Variants in PSMA7 observed in about 807,000 individuals in gnomAD.
PSMA7 encodes proteasome 20S subunit alpha 7.
In PSMA7, 5 loss-of-function variants were observed where a neutral mutation model predicts 31.3. The ratio of observed to expected loss-of-function variants is 0.16; its 90% CI spans 0.08 to 0.34. The LOEUF is 0.34. Ranked by LOEUF, PSMA7 falls within the 10% of genes least tolerant of loss-of-function variation. PSMA7 has a pLI of 1.00. For synonymous variants in PSMA7, 155 were observed against 121.9 expected (o/e 1.27, Z -1.79); for missense variants, 217 against 327.5 (o/e 0.66, Z 2.60).
chr20:62,140,896 ACTT>A lies in PSMA7; in HGVS notation c.142_144del (p.Lys48del). On this transcript the variant is annotated inframe_deletion, in exon 2 of 7. Coordinates refer to ENST00000370873, the MANE Select transcript of PSMA7 (RefSeq NM_002792.4). ...CTTTCATCCTGCAGTTTGGCCACTG[ACTT>A]CTTCTCCACACCAAGAACAACAATG... 6.2e-7 allele frequency: 1 copy of A among 1,614,172 alleles called. No homozygotes were observed. Among genetic ancestry groups the A allele is most frequent in the Non-Finnish European group, 8.5e-7 (1 of 1,180,016 alleles).
rs1420556704 is a variant in PSMA7, at chr20:62,139,431, T to G, written c.349-234A>C. ...GAACTCAGGTTACTGGAAATTACTT[T>G]GACAGGTAGACACACATTCTGCTTA... On this transcript the variant is annotated intron_variant, in intron 3 of 6. Transcript: ENST00000370873. The G allele has an allele frequency of 4.6e-6, 3 of 654,732 alleles. No homozygotes were observed. In the East Asian group the frequency reaches 8.2e-5, roughly 18 times the overall value. The allele number at this position is 654,732 out of a possible 1,614,324, so 40.6% of individuals were successfully genotyped here.
At chr20:62,140,487 T>C (rs776586271) in intron 2 of PSMA7, among the ~76,000 whole-genome samples, 1 of 152,204 alleles carries the variant, frequency 6.6e-6, no homozygotes, top group Non-Finnish European at 1.5e-5. Context: ...CGTGGTTCTG[T>C]CCTCTCCATG....
At position 62,143,306 on chromosome 20, in the gene PSMA7, CGGCGGG is replaced by C; in HGVS notation, c.-9_-4del. 7.1e-7 allele frequency: 1 copy of C among 1,404,086 alleles called. No homozygotes were observed. The highest frequency in any genetic ancestry group is 9.4e-7 in the Non-Finnish European group (1 of 1,064,210). The allele number at this position is 1,404,086 out of a possible 1,614,324, so 87.0% of individuals were successfully genotyped here. ...GTGATGGCGCGGTCGTAGCTCATGCCGGCGGGCGGCGGCCGGGCTCCTTCCGCCGCG... is the reference window on the plus strand; with the variant it reads ...GTGATGGCGCGGTCGTAGCTCATGCCCGGCGGCCGGGCTCCTTCCGCCGCG... On this transcript the variant is annotated 5_prime_UTR_variant, in exon 1 of 7. Coordinates refer to ENST00000370873, the MANE Select transcript of PSMA7 (RefSeq NM_002792.4).
intron 3 of PSMA7, 42 bp downstream of exon 3, chr20:62,139,739 C>T (rs1023810156): frequency 2.5e-6 from 4 of 1,613,720 alleles, no homozygotes; most frequent in Non-Finnish European, 3.4e-6. Flanking sequence ...GCCGTGACTG[C>T]CCTGCTGCCA....
intron 1 of PSMA7, chr20:62,142,380 A>G (rs977626206): frequency 6.6e-6 from 1 of 152,276 alleles, no homozygotes; most frequent in African/African-American, 2.4e-5. Flanking sequence ...AAATGAAAAC[A>G]AATCAAAATT....
intron 6 of PSMA7, 71 bp from the exon 7 acceptor site, chr20:62,137,020 G>T: frequency 6.4e-7 from 1 of 1,567,252 alleles, no homozygotes. Flanking sequence ...CTTCTGGGGA[G>T]GGCGGCCAGG....
Position 62,140,766 on chromosome 20 carries a change from A to G in PSMA7, c.223+52T>C, listed in dbSNP as rs1440401802. On this transcript the variant is annotated intron_variant, in intron 2 of 6. Transcript: ENST00000370873. ...CACCCAAGTTAATCTCCAAAGCCCT[A>G]TTCTTCGCTGAGACTCTAGAGAGTA... 2.5e-6 allele frequency: 4 copies of G among 1,601,864 alleles called. No individual in the cohort carries two copies. The East Asian group carries it at 9.0e-5, about 36-fold the overall frequency.
In PSMA7 at chr20:62,138,201, G is replaced by A. The variant is rs868755490; in HGVS notation, c.561C>T (p.Thr187=). The A allele has an allele frequency of 6.2e-7, 1 of 1,614,196 alleles. No homozygotes were observed. The highest frequency in any genetic ancestry group is 8.5e-7 in the Non-Finnish European group (1 of 1,180,014). Residue 187 remains threonine, a synonymous_variant, in exon 5 of 7, where the codon ACC becomes ACT. Coordinates refer to ENST00000370873, the MANE Select transcript of PSMA7 (RefSeq NM_002792.4). The part of the protein sequence containing the change: ...TDEAIETDDL[T]IKLVIKALLE... ...GGAGTGCCTTGATCACCAGCTTAAT[G>A]GTCAGATCATCTGTTTCAATGGCTT...
chr20:62,137,175 C>T (rs1052731022), intron 6 of PSMA7, among the ~76,000 whole-genome samples, 189 bp downstream of exon 6: 4 of 152,210 alleles, frequency 2.6e-5, no homozygotes, highest in Non-Finnish European at 2.9e-5. Flanking sequence ...CCAGAGAACA[C>T]GCGTGGACCA....
intron 4 of PSMA7, 41 bp from the exon 5 acceptor site, chr20:62,138,331 A>G: frequency 6.4e-7 from 1 of 1,557,898 alleles, no homozygotes; most frequent in Non-Finnish European, 8.7e-7. Context: ...ATAGGGCATG[A>G]CAACCCAGGG....
At chr20:62,138,433 C>A (rs1485205416) in intron 4 of PSMA7, 143 bp from the exon 5 acceptor site, 3 of 1,066,480 alleles carry the variant, frequency 2.8e-6, no homozygotes, top group Non-Finnish European at 4.0e-6. Flanking sequence ...GCTGTGGACA[C>A]AGGCCCTGCC....
chr20:62,142,484 T>G (rs1391638905), intron 1 of PSMA7: 1 of 152,292 alleles, frequency 6.6e-6, no homozygotes, highest in Non-Finnish European at 1.5e-5. Context: ...CCAATTAAAC[T>G]GACACGTCTT....
At chr20:62,141,818 A>G (rs926995284) in intron 1 of PSMA7, among the ~76,000 whole-genome samples, 1 of 152,210 alleles carries the variant, frequency 6.6e-6, no homozygotes, top group Admixed American at 6.5e-5. Flanking sequence ...GATGCTGGAG[A>G]AGGATATGGC....
chr20:62,138,016 G>A (rs1003239320), intron 5 of PSMA7, among the ~76,000 whole-genome samples, 155 bp downstream of exon 5: 1 of 152,186 alleles, frequency 6.6e-6, no homozygotes, highest in South Asian at 2.1e-4. Context: ...ACAGCAGTTA[G>A]GATACACCAT....
In PSMA7 at chr20:62,138,174, C is replaced by A. The variant is rs756465384; in HGVS notation, c.588G>T (p.Leu196=). The A allele has an allele frequency of 3.1e-6, 5 of 1,614,238 alleles. No individual in the cohort carries two copies. The highest frequency in any genetic ancestry group is 4.2e-6 in the Non-Finnish European group (5 of 1,180,024). ...LTIKLVIKAL[L]EVVQSGGKNI... is the part of the protein sequence containing the mutation. ...TGGATTCCAAATGCAAACTTACTTC[C>A]AGGAGTGCCTTGATCACCAGCTTAA... The change falls in exon 5 of 7, where the codon CTG becomes CTT. Residue 196 remains leucine (L), a synonymous_variant. Transcript: ENST00000370873.
intron 1 of PSMA7, among the ~76,000 whole-genome samples, chr20:62,141,446 C>T (rs1203167294): frequency 6.6e-6 from 1 of 152,248 alleles, no homozygotes. Context: ...ATCCTGCAAA[C>T]CCAGGGGTAT....
rs775317444 is a variant in PSMA7, at chr20:62,140,825, G to C, written c.216C>G (p.Ala72=). The change falls in exon 2 of 7, where the codon GCC becomes GCG. Residue 72 remains alanine (A), a synonymous_variant. Transcript: ENST00000370873. ...ICALDDNVCM[A]FAGLTADARI... is the part of the protein sequence containing the mutation. Reference sequence around the variant, plus strand: ...CTCCCCACCGACTCATACCTGCAAAGGCCATGCAGACGTTGTCATCCAAAG... The same window carrying C: ...CTCCCCACCGACTCATACCTGCAAACGCCATGCAGACGTTGTCATCCAAAG... 1 of 1,614,156 alleles carries C rather than the reference G, an allele frequency of 6.2e-7. No individual in the cohort carries two copies. Among genetic ancestry groups the C allele is most frequent in the Non-Finnish European group, 8.5e-7 (1 of 1,180,008 alleles).
At chr20:62,139,588 G>A (rs987929329) in intron 3 of PSMA7, 193 bp downstream of exon 3, 4 of 902,470 alleles carry the variant, frequency 4.4e-6, no homozygotes, top group Non-Finnish European at 6.9e-6. Flanking sequence ...CCCATGCCAG[G>A]AACTGAGAAC....
chr20:62,141,011 G>T, intron 1 of PSMA7, 67 bp from the exon 2 acceptor site: 2 of 1,582,660 alleles, frequency 1.3e-6, no homozygotes, highest in Non-Finnish European at 1.7e-6. Flanking sequence ...GCTCATGCCT[G>T]TTAATTCCAG....
Sources: allele counts gnomAD v4.1 joint callset (sites outside exome capture counted in the v4.1 genomes callset), GRCh38; gene constraint gnomAD v4.1.1; transcripts MANE v1.5; gene names NCBI Gene and HGNC (gene_info 2026-07-23, HGNC 2026-07-21).